The following PJVK variants were observed in gnomAD, a reference collection of about 807,000 sequenced individuals.
PJVK encodes pejvakin, also known as autosomal recessive deafness type 59 protein.
In PJVK, 33 loss-of-function variants were observed where a neutral mutation model predicts 37.6. That is an observed-to-expected ratio of 0.88 (90% CI 0.67 to 1.17). The LOEUF (loss-of-function observed/expected upper bound fraction) is 1.17. Ranked by LOEUF, PJVK falls within the 50% of genes most tolerant of loss-of-function variation. PJVK has a pLI of 0.00. For synonymous variants in PJVK, 141 were observed against 143.5 expected, an observed-to-expected ratio of 0.98 and a Z score of 0.13; for missense variants, 410 against 413.8, an observed-to-expected ratio of 0.99 and a Z score of 0.08.
chr2:178,453,419 G>A lies in PJVK; in HGVS notation c.10G>A (p.Ala4Thr), dbSNP rs749343941. The change falls in exon 2 of 7, where the codon GCT becomes ACT. Residue 4 changes from alanine (A) to threonine (T), a missense_variant. By Grantham distance (58) the Ala-to-Thr change is moderately conservative. Coordinates refer to ENST00000644580, the MANE Select transcript of PJVK (RefSeq NM_001042702.5). MFAAATKSFVKQVG... is the reference protein window; with the variant it reads MFATATKSFVKQVG... ...ACGTTTTGATTTTAATATGTTTGCT[G>A]CTGCTACCAAGAGCTTTGTCAAGCA... The A allele has an allele frequency of 8.1e-6, 13 of 1,613,958 alleles. No individual in the cohort carries two copies. The East Asian group carries it at 2.9e-4, about 36-fold the overall frequency.
intron 4 of PJVK, among the ~76,000 whole-genome samples, 164 bp from the exon 5 acceptor site, chr2:178,458,346 T>C (rs371272518): frequency 6.6e-6 from 1 of 152,226 alleles, no homozygotes. Flanking sequence ...GTTGGACCAA[T>C]TGGATCTCTG....
chr2:178,461,584 C>CTTT lies in PJVK; in HGVS notation c.*326_*328dup, dbSNP rs536141412. Among the ~76,000 whole-genome samples, 215 of 122,784 alleles carry CTTT rather than the reference C, an allele frequency of 1.8e-3. 10 individuals are homozygous for CTTT. The highest frequency in any genetic ancestry group is 5.7e-3 in the African/African-American group (177 of 30,996). The allele number at this position is 122,784 out of a possible 152,430, so 80.6% of individuals were successfully genotyped here. A position where few individuals can be genotyped will look rare whatever the true frequency, so the allele number is the denominator to read the frequency against. ...GATGTAGTCTATCATTTTAGTTCACCTTTTTTTTTTTTTTTTTTGAGACAG... is the reference window on the plus strand; with the variant it reads ...GATGTAGTCTATCATTTTAGTTCACCTTTTTTTTTTTTTTTTTTTTTGAGACAG... On this transcript the variant is annotated 3_prime_UTR_variant, in exon 7 of 7. Transcript: ENST00000644580.
chr2:178,456,927 T>C (rs923480475), intron 4 of PJVK, among the ~76,000 whole-genome samples: 1 of 152,272 alleles, frequency 6.6e-6, no homozygotes, highest in African/African-American at 2.4e-5. Context: ...TGAATTGATT[T>C]AAGTGATAGA....
chr2:178,460,608 C>T (rs1175791118), intron 6 of PJVK, among the ~76,000 whole-genome samples, 162 bp downstream of exon 6: 1 of 151,588 alleles, frequency 6.6e-6, no homozygotes, highest in East Asian at 1.9e-4. Context: ...TTTGGGAGGC[C>T]AGGGCAGGCA....
intron 5 of PJVK, among the ~76,000 whole-genome samples, chr2:178,458,833 T>G (rs547302003): frequency 6.6e-6 from 1 of 152,330 alleles, no homozygotes; most frequent in East Asian, 1.9e-4. Flanking sequence ...TTCTGCTTCT[T>G]GGTGAAGGTT....
rs1376794976 is a variant in PJVK at position 178,462,089 on chromosome 2, C to T, written c.*815C>T. ...TTTAATTGCAGTATCAAATTAAAAG[C>T]ACACTGAACTCAACATGGGGTTTTG... On this transcript the variant is annotated 3_prime_UTR_variant, in exon 7 of 7. Transcript: ENST00000644580. Among the ~76,000 whole-genome samples the T allele has an allele frequency of 1.3e-5, 2 of 152,126 alleles. No individual in the cohort carries two copies. The highest frequency in any genetic ancestry group is 4.8e-5 in the African/African-American group (2 of 41,416).
intron 3 of PJVK, 36 bp downstream of exon 3, chr2:178,454,563 C>A: frequency 6.3e-7 from 1 of 1,582,948 alleles, no homozygotes; most frequent in South Asian, 1.1e-5. Context: ...TCAGTGTTTT[C>A]ATTAAATACT....
chr2:178,453,244 G>A, intron 1 of PJVK, 144 bp from the exon 2 acceptor site: 1 of 671,194 alleles, frequency 1.5e-6, no homozygotes. Context: ...CACATGAGCA[G>A]AGGCAGGGAA....
intron 6 of PJVK, 150 bp downstream of exon 6, chr2:178,460,596 A>G: frequency 1.3e-6 from 1 of 759,954 alleles, no homozygotes; most frequent in Non-Finnish European, 2.1e-6. Context: ...TAATCCCAGC[A>G]CTTTGGGAGG....
rs749343941 is a variant in PJVK, at chr2:178,453,419, G to T, written c.10G>T (p.Ala4Ser). The T allele has an allele frequency of 6.2e-7, 1 of 1,614,076 alleles. No homozygotes were observed. Among genetic ancestry groups the T allele is most frequent in the Non-Finnish European group, 8.5e-7 (1 of 1,179,982 alleles). MFA[A>S]ATKSFVKQVG... ...ACGTTTTGATTTTAATATGTTTGCT[G>T]CTGCTACCAAGAGCTTTGTCAAGCA... Residue 4 changes from alanine (A) to serine (S), a missense_variant, in exon 2 of 7, where the codon GCT (alanine) becomes TCT (serine). Transcript: ENST00000644580.
At position 178,453,580 on chromosome 2, in the gene PJVK, A is replaced by G; in HGVS notation, c.171A>G (p.Thr57=). 1 of 1,613,902 alleles carries G rather than the reference A, an allele frequency of 6.2e-7. No homozygotes were observed. Among genetic ancestry groups the G allele is most frequent in the African/African-American group, 1.3e-5 (1 of 75,040 alleles). The change falls in exon 2 of 7, where the codon ACA becomes ACG. Residue 57 remains threonine, a synonymous_variant. Coordinates refer to ENST00000644580, the MANE Select transcript of PJVK (RefSeq NM_001042702.5). ...PRYKFTSTPF[T]LKDILLGDRE... ...ATAAATTTACTTCAACACCTTTTAC[A>G]CTGAAAGATATTCTCCTAGGAGACA...
intron 1 of PJVK, 85 bp downstream of exon 1, chr2:178,451,854 G>T: frequency 1.0e-6 from 1 of 985,490 alleles, no homozygotes; most frequent in Non-Finnish European, 1.2e-6. Flanking sequence ...GCGTTTGCCT[G>T]GGATGCAGCA....
At position 178,461,011 on chromosome 2, in the gene PJVK, T is replaced by A; in HGVS notation, c.796T>A (p.Ser266Thr). The change falls in exon 7 of 7, where the codon TCA (serine) becomes ACA (threonine). Residue 266 changes from serine (S) to threonine (T), a missense_variant. Transcript: ENST00000644580. ...AAGAGTGATGGATGTCATTTCTCGTTCACAGCTTTACTTGGATGATCTTTT... is the reference window on the plus strand; with the variant it reads ...AAGAGTGATGGATGTCATTTCTCGTACACAGCTTTACTTGGATGATCTTTT... ...NRRVMDVISRSQLYLDDLFSD... is the reference protein window; with the variant it reads ...NRRVMDVISRTQLYLDDLFSD... 6.2e-6 allele frequency: 10 copies of A among 1,614,102 alleles called. No homozygotes were observed. Among genetic ancestry groups the A allele is most frequent in the Non-Finnish European group, 8.5e-6 (10 of 1,180,016 alleles).
intron 1 of PJVK, chr2:178,452,521 A>C (rs1227762957): frequency 3.0e-6 from 3 of 985,254 alleles, no homozygotes; most frequent in Non-Finnish European, 3.6e-6. Context: ...AGTATTTCAC[A>C]ATATATGAAC....
chr2:178,454,262 T>C (rs1176636275), intron 2 of PJVK, 70 bp from the exon 3 acceptor site: 2 of 1,361,046 alleles, frequency 1.5e-6, no homozygotes, highest in African/African-American at 3.0e-5. Context: ...ATTGTTAATT[T>C]AACATGTTAC....
At chr2:178,458,798 C>T (rs367707633) in intron 5 of PJVK, among the ~76,000 whole-genome samples, 171 bp downstream of exon 5, 4 of 152,178 alleles carry the variant, frequency 2.6e-5, no homozygotes, top group Middle Eastern at 3.2e-3. Context: ...AAAGACCCTC[C>T]GTTCGCTGCT....
In PJVK at chr2:178,461,209, G is replaced by A. The variant is rs754358684; in HGVS notation, c.994G>A (p.Gly332Ser). The change falls in exon 7 of 7, where the codon GGT (glycine) becomes AGT (serine). Residue 332 changes from glycine (G) to serine (S), a missense_variant. By Grantham distance (56) the Gly-to-Ser change is moderately conservative. Coordinates refer to ENST00000644580, the MANE Select transcript of PJVK (RefSeq NM_001042702.5). ...TGGGTGCTTTCAGTGTTCTGTTGAT[G>A]GTCAGAAGTATGTGAGACTTCATGC... ...VYGCFQCSVD[G>S]QKYVRLHAVP... The A allele has an allele frequency of 1.2e-6, 2 of 1,614,028 alleles. No individual in the cohort carries two copies. The highest frequency in any genetic ancestry group is 1.7e-6 in the Non-Finnish European group (2 of 1,180,030).
At chr2:178,454,817 G>T (rs1575114449) in intron 3 of PJVK, 1 of 1,381,284 alleles carries the variant, frequency 7.2e-7, no homozygotes, top group African/African-American at 1.4e-5. Flanking sequence ...AGAATCATGA[G>T]GCCCAGATCA....
chr2:178,460,395 A>G lies in PJVK; in HGVS notation c.715A>G (p.Thr239Ala), dbSNP rs752234778. Reference sequence around the variant, plus strand: ...AAAAGGAGGATTTGAAAGGGAAGAAACGGCAACATTTGCACTGCTGTACAG... The same window carrying G: ...AAAAGGAGGATTTGAAAGGGAAGAAGCGGCAACATTTGCACTGCTGTACAG... ...VSKGGFEREE[T>A]ATFALLYRLR... is the part of the protein sequence containing the mutation. Residue 239 changes from threonine to alanine, a missense_variant, in exon 6 of 7, where the codon ACG becomes GCG. Transcript: ENST00000644580. 1 of 1,614,164 alleles carries G rather than the reference A, an allele frequency of 6.2e-7. No homozygotes were observed. The highest frequency in any genetic ancestry group is 2.2e-5 in the East Asian group (1 of 44,854).
Sources: allele counts gnomAD v4.1 joint callset (sites outside exome capture counted in the v4.1 genomes callset), GRCh38; gene constraint gnomAD v4.1.1; transcripts MANE v1.5; gene names NCBI Gene and HGNC (gene_info 2026-07-23, HGNC 2026-07-21).